Variants in GRK2 observed in about 807,000 individuals in gnomAD.
GRK2 encodes the protein G protein-coupled receptor kinase 2.
In GRK2, 23 loss-of-function variants were observed where a neutral mutation model predicts 97.8. The ratio of observed to expected loss-of-function variants is 0.24; its 90% CI spans 0.17 to 0.33. The LOEUF is 0.33. Among genes scored for constraint, GRK2 ranks in the 10% least tolerant of loss-of-function variants. The pLI, the probability that GRK2 is intolerant of heterozygous loss-of-function variation, is 1.00. For missense variants in GRK2, 633 were observed against 956.9 expected (o/e 0.66, Z 4.47); for synonymous variants, 425 against 381.7 (o/e 1.11, Z -1.32).
chr11:67,278,008 C>T (rs1045974159), intron 2 of GRK2, among the ~76,000 whole-genome samples: 3 of 152,186 alleles, frequency 2.0e-5, no homozygotes, highest in Admixed American at 6.5e-5. Context: ...GTCGGTGTGT[C>T]AAGAAGCACA....
In GRK2 at chr11:67,281,995, C is replaced by A. The variant is rs781182715; in HGVS notation, c.957+43C>A. 20 of 1,609,010 alleles carry A rather than the reference C, an allele frequency of 1.2e-5. No homozygotes were observed. Among genetic ancestry groups the A allele is most frequent in the Non-Finnish European group, 1.7e-5 (20 of 1,177,266 alleles). ...CCCCAGGCTGGACCTCCGTGGCTGT[C>A]CTCTCCTTCCTCTCGACATCCCGGC... On this transcript the variant is annotated intron_variant, in intron 11 of 20. Coordinates refer to ENST00000308595, the MANE Select transcript of GRK2 (RefSeq NM_001619.5). This position sits in a 1 kb window ranked among gnomAD's most constrained non-coding sequence, Gnocchi z 5.7.
At chr11:67,273,491 C>T (rs575103169) in intron 1 of GRK2, among the ~76,000 whole-genome samples, 11 of 152,168 alleles carry the variant, frequency 7.2e-5, no homozygotes, top group African/African-American at 1.9e-4. Flanking sequence ...CCCCTGTGCT[C>T]GCCCGTGCTT....
intron 2 of GRK2, among the ~76,000 whole-genome samples, chr11:67,277,664 C>A (rs571211661): frequency 6.6e-6 from 1 of 152,338 alleles, no homozygotes; most frequent in South Asian, 2.1e-4. Context: ...TGCTCTGGGC[C>A]GTTGGTAGAA....
intron 1 of GRK2, among the ~76,000 whole-genome samples, chr11:67,271,421 C>T (rs1011496639): frequency 6.6e-6 from 1 of 152,204 alleles, no homozygotes; most frequent in African/African-American, 2.4e-5. Context: ...CAGGTGGGGG[C>T]AATTTTCTGA....
intron 2 of GRK2, among the ~76,000 whole-genome samples, chr11:67,278,255 A>G (rs1425511587): frequency 1.3e-5 from 2 of 152,224 alleles, no homozygotes; most frequent in Non-Finnish European, 2.9e-5. Flanking sequence ...CCAGGTGCCC[A>G]GGCAGTGCCC....
At position 67,282,516 on chromosome 11, in the gene GRK2, G is replaced by T. The variant is rs142560126; in HGVS notation, c.1134G>T (p.Gly378=). 2.3e-5 allele frequency: 37 copies of T among 1,613,598 alleles called. No individual in the cohort carries two copies. The highest frequency in any genetic ancestry group is 2.9e-5 in the Non-Finnish European group (34 of 1,179,996). ...GCAGTGCCGACTGGTTCTCTCTGGG[G>T]TGCATGCTCTTCAAGTTGCTGCGGG... ...YDSSADWFSL[G]CMLFKLLRGH... is the part of the protein sequence containing the mutation. Residue 378 remains glycine, a synonymous_variant, in exon 13 of 21, where the codon GGG becomes GGT. Transcript: ENST00000308595. The surrounding 1 kb of genome is among the most constrained non-coding windows in gnomAD (Gnocchi z 6.9).
chr11:67,274,185 G>C (rs945480224), intron 1 of GRK2, among the ~76,000 whole-genome samples: 5 of 152,026 alleles, frequency 3.3e-5, no homozygotes, highest in African/African-American at 1.2e-4. Flanking sequence ...GCTAATTTTT[G>C]TATTTTCAGT....
At chr11:67,268,126 G>A (rs1005002717) in intron 1 of GRK2, among the ~76,000 whole-genome samples, 1 of 152,296 alleles carries the variant, frequency 6.6e-6, no homozygotes, top group Admixed American at 6.5e-5. Context: ...ACTGGGCCTC[G>A]GTCTTCTCAT....
intron 17 of GRK2, 98 bp downstream of exon 17, chr11:67,284,047 C>A: frequency 2.1e-6 from 3 of 1,421,208 alleles, no homozygotes; most frequent in Non-Finnish European, 2.9e-6. Flanking sequence ...CTGTGCCAGC[C>A]CTGCCAGCTT....
intron 18 of GRK2, 184 bp from the exon 19 acceptor site, chr11:67,284,663 C>T: frequency 1.2e-6 from 1 of 838,440 alleles, no homozygotes; most frequent in Non-Finnish European, 1.8e-6. Flanking sequence ...GTGGCACGCG[C>T]CTGTACTCCC....
chr11:67,284,249 C>T lies in GRK2; in HGVS notation c.1530C>T (p.Pro510=). 1 of 1,613,678 alleles carries T rather than the reference C, an allele frequency of 6.2e-7. No individual in the cohort carries two copies. Among genetic ancestry groups the T allele is most frequent in the Non-Finnish European group, 8.5e-7 (1 of 1,180,004 alleles). ...ATCAGGAGCTCTACCGCAACTTCCCCCTCACCATCTCGGAGCGGTGGCAGC... is the reference window on the plus strand; with the variant it reads ...ATCAGGAGCTCTACCGCAACTTCCCTCTCACCATCTCGGAGCGGTGGCAGC... ...DSDQELYRNF[P]LTISERWQQE... is the part of the protein sequence containing the mutation. The change falls in exon 18 of 21, where the codon CCC becomes CCT. Residue 510 remains proline, a synonymous_variant. Transcript: ENST00000308595.
In GRK2 at chr11:67,282,308, G is replaced by A. The variant is rs1860169818; in HGVS notation, c.995G>A (p.Arg332Gln). ...CTTCTGGACGAGCATGGCCACGTGC[G>A]GATCTCGGACCTGGGCCTGGCCTGT... ...NILLDEHGHV[R>Q]ISDLGLACDF... Residue 332 changes from arginine (R) to glutamine (Q), a missense_variant, in exon 12 of 21, where the codon CGG becomes CAG. Coordinates refer to ENST00000308595, the MANE Select transcript of GRK2 (RefSeq NM_001619.5). The surrounding 1 kb of genome is among the most constrained non-coding windows in gnomAD (Gnocchi z 6.9). 6.2e-7 allele frequency: 1 copy of A among 1,613,224 alleles called. No homozygotes were observed. Among genetic ancestry groups the A allele is most frequent in the Non-Finnish European group, 8.5e-7 (1 of 1,179,886 alleles).
At position 67,281,478 on chromosome 11, in the gene GRK2, G is replaced by A. The variant is rs1226475013; in HGVS notation, c.667G>A (p.Asp223Asn). 6.2e-7 allele frequency: 1 copy of A among 1,613,612 alleles called. No individual in the cohort carries two copies. The highest frequency in any genetic ancestry group is 8.5e-7 in the Non-Finnish European group (1 of 1,179,962). The change falls in exon 9 of 21, where the codon GAC (aspartate) becomes AAC (asparagine). Residue 223 changes from aspartate (D) to asparagine (N), a missense_variant. By Grantham distance (23) the Asp-to-Asn change is conservative. Around this residue, in one of 4 missense-constraint regions of GRK2, gnomAD observed 192 missense variants for 362.3 expected, o/e 0.53. Coordinates refer to ENST00000308595, the MANE Select transcript of GRK2 (RefSeq NM_001619.5). The surrounding 1 kb of genome is among the most constrained non-coding windows in gnomAD (Gnocchi z 5.7). ...TGKMYAMKCL[D>N]KKRIKMKQGE... ...CCGTAGGTACGCCATGAAGTGCCTG[G>A]ACAAAAAGCGCATCAAGATGAAGCA...
rs201891739 is a variant in GRK2, at chr11:67,280,732, C to T, written c.504C>T (p.Ser168=). 193 of 1,614,088 alleles carry T rather than the reference C, an allele frequency of 1.2e-4. 2 individuals are homozygous for T. The South Asian group carries it at 1.7e-3, about 14-fold the overall frequency. The part of the protein sequence containing the change: ...RGDVFQKFIE[S]DKFTRFCQWK... ...CTGAGCCCTGATTCTTCTTTTCCAG[C>T]GATAAGTTCACACGGTTTTGCCAGT... is the stretch of plus-strand genomic sequence containing the variant. Residue 168 remains serine, a splice_region_variant and synonymous_variant, in exon 7 of 21, where the codon AGC becomes AGT. Transcript: ENST00000308595.
In GRK2 at chr11:67,286,230, G is replaced by GGT. The variant is rs1860278566; in HGVS notation, c.*781_*782insTG. 2 of 579,314 alleles carry GGT rather than the reference G, an allele frequency of 3.5e-6. No individual in the cohort carries two copies. The highest frequency in any genetic ancestry group is 6.5e-5 in the Admixed American group (2 of 30,954). 35.9% of individuals were successfully genotyped at this position (579,314 alleles called of 1,614,324 possible). On this transcript the variant is annotated 3_prime_UTR_variant, in exon 21 of 21. Transcript: ENST00000308595. ...GTGCGACCCCATCTGCCCAGGACGG[G>GGT]GCCGGCCAGGTGGGCGGGCAGCACA...
intron 2 of GRK2, among the ~76,000 whole-genome samples, chr11:67,277,865 T>G (rs1223435598): frequency 1.3e-5 from 2 of 152,196 alleles, no homozygotes; most frequent in Non-Finnish European, 2.9e-5. Flanking sequence ...GAGGGCAGGC[T>G]TGGGGCAGGT....
rs1860175907 is a variant in GRK2 at position 67,282,447 on chromosome 11, G to A, written c.1065G>A (p.Gly355=). ...CTTGCTCCCACAGGGGCACCCACGG[G>A]TACATGGCTCCGGAGGTCCTGCAGA... is the stretch of plus-strand genomic sequence containing the variant. ...KKPHASVGTH[G]YMAPEVLQKG... The change falls in exon 13 of 21, where the codon GGG becomes GGA. Residue 355 remains glycine, a synonymous_variant. Coordinates refer to ENST00000308595, the MANE Select transcript of GRK2 (RefSeq NM_001619.5). This position sits in a 1 kb window ranked among gnomAD's most constrained non-coding sequence, Gnocchi z 6.9. The A allele has an allele frequency of 1.2e-6, 2 of 1,613,548 alleles. No individual in the cohort carries two copies. Among genetic ancestry groups the A allele is most frequent in the Admixed American group, 1.7e-5 (1 of 60,000 alleles).
intron 1 of GRK2, among the ~76,000 whole-genome samples, chr11:67,274,840 G>A (rs1457109512): frequency 2.6e-5 from 4 of 152,196 alleles, no homozygotes; most frequent in East Asian, 3.9e-4. Context: ...ATGAGCTGGC[G>A]TGTGGCCCGA....
chr11:67,275,266 G>A (rs1357636658), intron 1 of GRK2, among the ~76,000 whole-genome samples: 1 of 152,150 alleles, frequency 6.6e-6, no homozygotes, highest in Non-Finnish European at 1.5e-5. Flanking sequence ...AGTGGAAGCG[G>A]ATAAGAGCCC....
Sources: allele counts gnomAD v4.1 joint callset (sites outside exome capture counted in the v4.1 genomes callset), GRCh38; gene constraint gnomAD v4.1.1; regional missense constraint gnomAD v4.1.1; non-coding constraint Gnocchi (gnomAD v3.1); transcripts MANE v1.5; gene names NCBI Gene and HGNC (gene_info 2026-07-23, HGNC 2026-07-21).